The following ZBTB20 variants were observed in gnomAD, a reference collection of about 807,000 sequenced individuals.
ZBTB20 encodes zinc finger and BTB domain-containing protein 20.
ZBTB20 carries 9 observed loss-of-function variants against 56.9 expected under a neutral mutation model. That is an observed-to-expected ratio of 0.16 (90% CI 0.10 to 0.28). The LOEUF is 0.28. ZBTB20 is among the 10% of genes least tolerant of loss of function. The pLI is 1.00. For missense variants in ZBTB20, 655 were observed against 1,003.0 expected (o/e 0.65, Z 4.69); for synonymous variants, 417 against 420.7 (o/e 0.99, Z 0.11).
intron 7 of ZBTB20, among the ~76,000 whole-genome samples, chr3:114,484,586 G>T (rs1415777142): frequency 1.3e-5 from 2 of 152,146 alleles, no homozygotes; most frequent in Non-Finnish European, 2.9e-5. Flanking sequence ...ATTAAGTTCT[G>T]CAACTGCAAG....
Position 114,502,934 on chromosome 3 carries a change from C to G in ZBTB20, c.-294-2543G>C, listed in dbSNP as rs1042027469. 3.9e-5 allele frequency: 6 copies of G among 152,062 alleles called. No homozygotes were observed. The East Asian group carries it at 1.2e-3, about 29-fold the overall frequency. 9.4% of individuals were successfully genotyped at this position (152,062 alleles called of 1,614,324 possible). ...ATGTTCAATGATCATTTTTCTGTTG[C>G]ATGTTATAAACCCAATAACTCTCAA... On this transcript the variant is annotated intron_variant, in intron 6 of 11. Transcript: ENST00000675478.
intron 6 of ZBTB20, among the ~76,000 whole-genome samples, chr3:114,560,839 CT>C (rs2051938057): frequency 6.6e-6 from 1 of 152,156 alleles, no homozygotes; most frequent in Non-Finnish European, 1.5e-5. Context: ...ATTGACTCTT[CT>C]TTTCACAAAG....
At chr3:115,058,897 T>A (rs567919741) in intron 2 of ZBTB20, among the ~76,000 whole-genome samples, 1 of 152,216 alleles carries the variant, frequency 6.6e-6, no homozygotes, top group Non-Finnish European at 1.5e-5. Flanking sequence ...GTGCTTCAGA[T>A]TGGATAGTTT....
intron 6 of ZBTB20, among the ~76,000 whole-genome samples, chr3:114,652,138 G>C (rs2060168964): frequency 6.6e-6 from 1 of 151,972 alleles, no homozygotes; most frequent in Non-Finnish European, 1.5e-5. Context: ...ATATAAAAAT[G>C]TATATATTTA....
chr3:115,143,680 T>G (rs2084883486), intron 1 of ZBTB20, among the ~76,000 whole-genome samples: 1 of 152,178 alleles, frequency 6.6e-6, no homozygotes, highest in South Asian at 2.1e-4. Flanking sequence ...GACACAAGAT[T>G]TTTTTAATAT....
intron 10 of ZBTB20, among the ~76,000 whole-genome samples, chr3:114,374,053 C>T (rs2083332654): frequency 6.6e-6 from 1 of 152,008 alleles, no homozygotes; most frequent in African/African-American, 2.4e-5. Context: ...AACTGGCCTT[C>T]CAATGTATAA....
chr3:115,140,377 G>A (rs984322078), intron 1 of ZBTB20, among the ~76,000 whole-genome samples: 2 of 151,992 alleles, frequency 1.3e-5, no homozygotes. Flanking sequence ...ATATTCCTAA[G>A]ACGACACATT....
chr3:114,633,275 G>C (rs1229848034), intron 6 of ZBTB20, among the ~76,000 whole-genome samples: 2 of 152,144 alleles, frequency 1.3e-5, no homozygotes, highest in African/African-American at 4.8e-5. Flanking sequence ...AATGTTTCTA[G>C]ATTAGATTGA....
chr3:114,510,120 A>C (rs1177078727), intron 6 of ZBTB20, among the ~76,000 whole-genome samples: 1 of 152,172 alleles, frequency 6.6e-6, no homozygotes, highest in Non-Finnish European at 1.5e-5. Context: ...CCAAGATGAG[A>C]CCTCAAAAAT....
intron 6 of ZBTB20, among the ~76,000 whole-genome samples, chr3:114,563,901 T>C (rs1032649852): frequency 1.3e-5 from 2 of 152,204 alleles, no homozygotes; most frequent in South Asian, 2.1e-4. Context: ...TCATGGGAAC[T>C]GTATTAGTTT....
chr3:114,646,968 A>AT (rs889462951), intron 6 of ZBTB20, among the ~76,000 whole-genome samples: 34 of 150,772 alleles, frequency 2.3e-4, no homozygotes, highest in African/African-American at 6.6e-4. Context: ...TTATTTATTT[A>AT]TTTTTTTTTA....
At chr3:114,485,544 C>T (rs752290729) in intron 7 of ZBTB20, among the ~76,000 whole-genome samples, 19 of 152,256 alleles carry the variant, frequency 1.2e-4, no homozygotes, top group Non-Finnish European at 2.1e-4. Flanking sequence ...TTTATTACAA[C>T]GGTCAAAAAT....
At chr3:114,688,930 T>C (rs994690376) in intron 6 of ZBTB20, among the ~76,000 whole-genome samples, 5 of 152,146 alleles carry the variant, frequency 3.3e-5, no homozygotes, top group African/African-American at 1.2e-4. Context: ...GAGCCTAGCA[T>C]AGTGTCCCAT....
At chr3:114,414,456 G>A (rs2088306598) in intron 7 of ZBTB20, among the ~76,000 whole-genome samples, 1 of 152,034 alleles carries the variant, frequency 6.6e-6, no homozygotes, top group Non-Finnish European at 1.5e-5. Context: ...TAATCTGAAT[G>A]AGCTTTGTTT....
At chr3:114,973,946 C>A (rs756415134) in intron 3 of ZBTB20, among the ~76,000 whole-genome samples, 5 of 151,600 alleles carry the variant, frequency 3.3e-5, no homozygotes, top group Admixed American at 6.6e-5. Flanking sequence ...AATTTTATTT[C>A]TTATAGTTAA....
At chr3:115,112,754 C>G (rs904021407) in intron 1 of ZBTB20, among the ~76,000 whole-genome samples, 2 of 152,130 alleles carry the variant, frequency 1.3e-5, no homozygotes, top group African/African-American at 4.8e-5. Flanking sequence ...AATAGTGCTG[C>G]AATAAACATG....
chr3:114,591,296 T>C (rs1393931381), intron 6 of ZBTB20, among the ~76,000 whole-genome samples: 2 of 152,226 alleles, frequency 1.3e-5, no homozygotes, highest in Non-Finnish European at 1.5e-5. Flanking sequence ...ATGCTTCTTA[T>C]ACATTCCACT....
intron 7 of ZBTB20, among the ~76,000 whole-genome samples, chr3:114,450,856 A>T (rs572393214): frequency 1.3e-5 from 2 of 152,280 alleles, no homozygotes; most frequent in East Asian, 3.9e-4. Flanking sequence ...AAGCGTGGAA[A>T]AGAAGGCAAT....
intron 7 of ZBTB20, among the ~76,000 whole-genome samples, chr3:114,406,628 A>T (rs2087353668): frequency 6.6e-6 from 1 of 152,176 alleles, no homozygotes; most frequent in Non-Finnish European, 1.5e-5. Flanking sequence ...TTATTTTAAG[A>T]GACCTGGACT....
Sources: allele counts gnomAD v4.1 joint callset (sites outside exome capture counted in the v4.1 genomes callset), GRCh38; gene constraint gnomAD v4.1.1; transcripts MANE v1.5; gene names NCBI Gene and HGNC (gene_info 2026-07-23, HGNC 2026-07-21).